Variants in EDIL3 observed in about 807,000 individuals in gnomAD.
EDIL3 encodes the protein EGF-like repeat and discoidin I-like domain-containing protein 3.
In EDIL3, 37 loss-of-function variants were observed where a neutral mutation model predicts 67.4. The observed-to-expected ratio is 0.55, with a 90% CI of 0.42 to 0.72. The LOEUF (loss-of-function observed/expected upper bound fraction) is 0.72. Ranked by LOEUF, EDIL3 falls within the 30% of genes least tolerant of loss-of-function variation. The pLI, the probability that EDIL3 is intolerant of heterozygous loss-of-function variation, is 0.00. For missense variants in EDIL3, 527 were observed against 586.3 expected (o/e 0.90, Z 1.04); for synonymous variants, 195 against 196.3 (o/e 0.99, Z 0.05).
At chr5:84,080,539 T>C (rs1367749264) in intron 6 of EDIL3, among the ~76,000 whole-genome samples, 1 of 152,140 alleles carries the variant, frequency 6.6e-6, no homozygotes, top group East Asian at 1.9e-4. Flanking sequence ...TGTTCCCCAA[T>C]CTGTTTTCTT....
At position 84,066,435 on chromosome 5, in the gene EDIL3, G is replaced by T. The variant is rs1245837517; in HGVS notation, c.807+16C>A. ...GACATTTTTCTTTTAAATTAAGTAGGTTAAATTATTCTTACCATGTCTTCA... is the reference window on the plus strand; with the variant it reads ...GACATTTTTCTTTTAAATTAAGTAGTTTAAATTATTCTTACCATGTCTTCA... On this transcript the variant is annotated intron_variant, in intron 7 of 10. Transcript: ENST00000296591. 1.3e-6 allele frequency: 2 copies of T among 1,575,990 alleles called. No homozygotes were observed. The highest frequency in any genetic ancestry group is 8.6e-7 in the Non-Finnish European group (1 of 1,166,968).
chr5:84,142,828 C>CG (rs1193400320), intron 4 of EDIL3, among the ~76,000 whole-genome samples: 1 of 146,220 alleles, frequency 6.8e-6, no homozygotes, highest in Non-Finnish European at 1.5e-5. Flanking sequence ...TGCCCCCCCC[C>CG]CCAAGCTTTT....
At chr5:84,203,306 A>G (rs1188666638) in intron 3 of EDIL3, among the ~76,000 whole-genome samples, 1 of 152,208 alleles carries the variant, frequency 6.6e-6, no homozygotes, top group Non-Finnish European at 1.5e-5. Flanking sequence ...ACTACACCTC[A>G]TGTTTGCCTA....
At chr5:84,080,115 CAAAAAAAAAAAAAAAAAA>C (rs10566347) in intron 6 of EDIL3, among the ~76,000 whole-genome samples, 16 of 52,956 alleles carry the variant, frequency 3.0e-4, no homozygotes, top group Non-Finnish European at 3.7e-4. Flanking sequence ...ACTAAAAATA[CAAAAAAAAAAAAAAAAAA>C]AAAAAAAAAA....
intron 1 of EDIL3, among the ~76,000 whole-genome samples, chr5:84,316,264 T>C (rs1172786014): frequency 6.6e-6 from 1 of 152,110 alleles, no homozygotes. Flanking sequence ...ATAACAATAT[T>C]AACTTTAAAT....
intron 9 of EDIL3, among the ~76,000 whole-genome samples, chr5:83,984,463 G>C (rs1295883135): frequency 6.6e-6 from 1 of 152,028 alleles, no homozygotes; most frequent in East Asian, 1.9e-4. Context: ...ATCATCCGGG[G>C]AATCAACTGG....
chr5:84,039,930 AC>A (rs1384154325), intron 9 of EDIL3, among the ~76,000 whole-genome samples: 1 of 152,206 alleles, frequency 6.6e-6, no homozygotes, highest in Non-Finnish European at 1.5e-5. Flanking sequence ...ATACAGTTTT[AC>A]AGGGAACTTA....
chr5:84,225,174 T>C (rs1411165564), intron 3 of EDIL3, among the ~76,000 whole-genome samples: 1 of 151,588 alleles, frequency 6.6e-6, no homozygotes, highest in Non-Finnish European at 1.5e-5. Context: ...TACCAGAACA[T>C]TCAGAACTGA....
intron 1 of EDIL3, among the ~76,000 whole-genome samples, chr5:84,262,210 C>T (rs1375161620): frequency 1.3e-5 from 2 of 152,130 alleles, no homozygotes; most frequent in African/African-American, 4.8e-5. Flanking sequence ...TTTCAAATAT[C>T]TCATGCCCAG....
At chr5:84,361,521 T>C (rs1002094826) in intron 1 of EDIL3, among the ~76,000 whole-genome samples, 4 of 152,050 alleles carry the variant, frequency 2.6e-5, no homozygotes, top group African/African-American at 9.7e-5. Flanking sequence ...CCATTAACTA[T>C]TGCCCATTCT....
At chr5:84,300,215 G>A (rs936382654) in intron 1 of EDIL3, among the ~76,000 whole-genome samples, 1 of 152,032 alleles carries the variant, frequency 6.6e-6, no homozygotes, top group African/African-American at 2.4e-5. Flanking sequence ...TTAGCTTTTG[G>A]CCCTCTTACA....
chr5:83,977,419 CTCTT>C (rs1744894354), intron 9 of EDIL3, among the ~76,000 whole-genome samples: 1 of 151,748 alleles, frequency 6.6e-6, no homozygotes, highest in Non-Finnish European at 1.5e-5. Flanking sequence ...TTCTTGTACT[CTCTT>C]TATCCACTTT....
intron 9 of EDIL3, among the ~76,000 whole-genome samples, chr5:84,012,280 A>T (rs993259840): frequency 2.0e-5 from 3 of 152,108 alleles, no homozygotes; most frequent in African/African-American, 7.2e-5. Context: ...AAAGTTGCTT[A>T]CCTCTCTAAA....
At chr5:84,119,101 CA>C (rs1747724423) in intron 5 of EDIL3, among the ~76,000 whole-genome samples, 1 of 145,266 alleles carries the variant, frequency 6.9e-6, no homozygotes, top group South Asian at 2.3e-4. Flanking sequence ...CACAATAAAA[CA>C]AAAATAAGAG....
At chr5:83,951,998 C>T (rs747210192) in intron 10 of EDIL3, among the ~76,000 whole-genome samples, 2 of 151,684 alleles carry the variant, frequency 1.3e-5, no homozygotes, top group Non-Finnish European at 2.9e-5. Context: ...CCAGTCAGCC[C>T]GATGAGAGAC....
chr5:84,076,649 G>T lies in EDIL3; in HGVS notation c.652-10043C>A, dbSNP rs1318570697. On this transcript the variant is annotated intron_variant, in intron 6 of 10. Transcript: ENST00000296591. Reference sequence around the variant, plus strand: ...CAGAAAAGTTTTTAATTATTGGAATGTATGAAACTCACATTGATAGTTACA... The same window carrying T: ...CAGAAAAGTTTTTAATTATTGGAATTTATGAAACTCACATTGATAGTTACA... Among the ~76,000 whole-genome samples the T allele has an allele frequency of 2.6e-5, 4 of 152,266 alleles. No individual in the cohort carries two copies. The South Asian group carries it at 8.3e-4, about 32-fold the overall frequency.
chr5:84,274,246 G>A (rs758121363), intron 1 of EDIL3, among the ~76,000 whole-genome samples: 32 of 152,068 alleles, frequency 2.1e-4, no homozygotes, highest in Non-Finnish European at 3.8e-4. Context: ...AGCACTACAG[G>A]TATGCCCACC....
chr5:84,012,743 C>T (rs770979836), intron 9 of EDIL3, among the ~76,000 whole-genome samples: 1 of 151,978 alleles, frequency 6.6e-6, no homozygotes, highest in Admixed American at 6.6e-5. Flanking sequence ...TAGGTTAAGA[C>T]ATTTATTAAT....
At chr5:84,176,331 G>A (rs1398509805) in intron 4 of EDIL3, among the ~76,000 whole-genome samples, 3 of 78,014 alleles carry the variant, frequency 3.8e-5, no homozygotes, top group Admixed American at 2.9e-4. Flanking sequence ...ATATATTAGG[G>A]AGCCTTTTAT....
Sources: gnomAD v4.1 joint callset for allele counts (sites outside exome capture counted in the v4.1 genomes callset) on GRCh38, gnomAD v4.1.1 for gene constraint, MANE v1.5 for transcripts, NCBI Gene and HGNC (gene_info 2026-07-23, HGNC 2026-07-21) for gene names.